Variants in EYA4 observed in about 807,000 individuals in gnomAD.
EYA4 encodes EYA transcriptional coactivator and phosphatase 4.
A neutral mutation model predicts 87.9 loss-of-function variants in EYA4; 31 were observed. The ratio of observed to expected loss-of-function variants is 0.35; its 90% CI spans 0.27 to 0.48. EYA4 has a LOEUF of 0.48. Ranked by LOEUF, EYA4 falls within the 20% of genes least tolerant of loss-of-function variation. The probability of loss-of-function intolerance (pLI) is 0.99; values close to 1 mark genes in which losing one functional copy is unlikely to be tolerated. For synonymous variants in EYA4, 263 were observed against 270.6 expected (o/e 0.97, Z 0.28); for missense variants, 678 against 761.4 (o/e 0.89, Z 1.29).
At position 133,393,198 on chromosome 6, in the gene EYA4, G is replaced by A. The variant is rs968670923; in HGVS notation, c.83+10757G>A. Among the ~76,000 whole-genome samples the A allele has an allele frequency of 5.9e-5, 9 of 152,066 alleles. 1 individual carries two copies. The highest frequency in any genetic ancestry group is 2.2e-4 in the African/African-American group (9 of 41,404). On this transcript the variant is annotated intron_variant, in intron 3 of 19. Coordinates refer to ENST00000355286, the MANE Select transcript of EYA4 (RefSeq NM_004100.5). ...GAGTAGAAACATAGAAGCTTTTGTG[G>A]TCCACTTCATGCTTGGCCAACTCTA... is the stretch of plus-strand genomic sequence containing the variant.
chr6:133,376,169 G>GA (rs1334298899), intron 2 of EYA4, among the ~76,000 whole-genome samples: 1 of 151,272 alleles, frequency 6.6e-6, no homozygotes, highest in African/African-American at 2.4e-5. Context: ...TCCATTTTTG[G>GA]AAAAAAATAT....
At chr6:133,344,523 A>G (rs182117556) in intron 2 of EYA4, among the ~76,000 whole-genome samples, 1 of 152,154 alleles carries the variant, frequency 6.6e-6, no homozygotes, top group Non-Finnish European at 1.5e-5. Flanking sequence ...GATATATTTG[A>G]TATGGTCCAT....
chr6:133,454,035 A>G (rs201658319), intron 5 of EYA4, among the ~76,000 whole-genome samples: 1 of 152,128 alleles, frequency 6.6e-6, no homozygotes, highest in East Asian at 1.9e-4. Flanking sequence ...ATCAATACTA[A>G]GCTTTTGAAA....
In EYA4 at chr6:133,466,361, T is replaced by C. The variant is rs182797647; in HGVS notation, c.804+1503T>C. On this transcript the variant is annotated intron_variant, in intron 10 of 19. Transcript: ENST00000355286. ...TAGTGGATCCCAATGTAAAATGTAA[T>C]CTGTATTTGGGACCATGGCCTGAGC... Among the ~76,000 whole-genome samples, 32 of 152,254 alleles carry C rather than the reference T, an allele frequency of 2.1e-4. No homozygotes were observed. In the East Asian group the frequency reaches 4.4e-3, roughly 21 times the overall value.
At position 133,402,230 on chromosome 6, in the gene EYA4, CAG is replaced by C. The variant is rs1399141513; in HGVS notation, c.83+19790_83+19791del. 9.9e-5 allele frequency among the ~76,000 whole-genome samples: 15 copies of C among 152,060 alleles called. No homozygotes were observed. The South Asian group carries it at 2.9e-3, about 29-fold the overall frequency. ...TGTAGAATTGTAAAATTAACACGTACAGCTACCAAAGATTGCATCATGACACA... is the reference window on the plus strand; with the variant it reads ...TGTAGAATTGTAAAATTAACACGTACCTACCAAAGATTGCATCATGACACA... On this transcript the variant is annotated intron_variant, in intron 3 of 19. Transcript: ENST00000355286.
rs190238604 is a variant in EYA4, at chr6:133,276,697, A to G, written c.33+1884A>G. Among the ~76,000 whole-genome samples, 44 of 152,262 alleles carry G rather than the reference A, an allele frequency of 2.9e-4. No individual in the cohort carries two copies. In the East Asian group the frequency reaches 8.1e-3, roughly 28 times the overall value. ...CCCATTTGCTGAATTTAAATTTCAA[A>G]CATGTAGACCAATGTATTCATCTCA... On this transcript the variant is annotated intron_variant, in intron 2 of 19. Coordinates refer to ENST00000355286, the MANE Select transcript of EYA4 (RefSeq NM_004100.5).
intron 3 of EYA4, among the ~76,000 whole-genome samples, chr6:133,445,011 C>A (rs994674277): frequency 3.5e-4 from 53 of 152,062 alleles, no homozygotes; most frequent in African/African-American, 1.1e-3. Flanking sequence ...CACATATATT[C>A]TTTGTTTGCT....
chr6:133,444,133 A>T (rs1041182785), intron 3 of EYA4, among the ~76,000 whole-genome samples: 2 of 152,216 alleles, frequency 1.3e-5, no homozygotes, highest in Admixed American at 6.5e-5. Context: ...AAACTGTGTC[A>T]TAAAAGCTCC....
chr6:133,490,652 A>G (rs767594323), intron 13 of EYA4, among the ~76,000 whole-genome samples: 7 of 152,204 alleles, frequency 4.6e-5, no homozygotes, highest in Non-Finnish European at 8.8e-5. Context: ...CAGCAACAGG[A>G]TATAACAATT....
At chr6:133,494,083 G>A (rs1240416630) in intron 13 of EYA4, among the ~76,000 whole-genome samples, 1 of 152,104 alleles carries the variant, frequency 6.6e-6, no homozygotes, top group Admixed American at 6.5e-5. Context: ...GTATATACCC[G>A]ACAGAAAGGA....
chr6:133,427,390 A>G (rs1790765091), intron 3 of EYA4, among the ~76,000 whole-genome samples: 1 of 152,222 alleles, frequency 6.6e-6, no homozygotes, highest in Non-Finnish European at 1.5e-5. Context: ...AATTGAAATT[A>G]ACTCAACATA....
At chr6:133,465,496 T>G (rs1368993522) in intron 10 of EYA4, among the ~76,000 whole-genome samples, 1 of 152,178 alleles carries the variant, frequency 6.6e-6, no homozygotes, top group Non-Finnish European at 1.5e-5. Flanking sequence ...TTTGTGAGTT[T>G]TAAAATCTAG....
At chr6:133,278,191 C>T (rs1777334006) in intron 2 of EYA4, among the ~76,000 whole-genome samples, 2 of 152,022 alleles carry the variant, frequency 1.3e-5, no homozygotes, top group South Asian at 4.2e-4. Context: ...TAATATCTTC[C>T]CAGAAGGGTC....
At chr6:133,357,876 T>G (rs1784185627) in intron 2 of EYA4, among the ~76,000 whole-genome samples, 1 of 151,882 alleles carries the variant, frequency 6.6e-6, no homozygotes, top group Non-Finnish European at 1.5e-5. Flanking sequence ...TATATAATAC[T>G]TATGTAATCA....
At chr6:133,451,016 T>G (rs1793387095) in intron 5 of EYA4, among the ~76,000 whole-genome samples, 1 of 152,224 alleles carries the variant, frequency 6.6e-6, no homozygotes. Flanking sequence ...ATTATTAAAG[T>G]GTAAAATATA....
intron 13 of EYA4, among the ~76,000 whole-genome samples, chr6:133,499,326 A>G (rs1797910383): frequency 6.6e-6 from 1 of 152,028 alleles, no homozygotes; most frequent in Admixed American, 6.6e-5. Context: ...CTGCTCTGCC[A>G]CTTTTCTCTG....
At chr6:133,506,265 G>A in intron 14 of EYA4, 70 bp downstream of exon 14, 1 of 844,236 alleles carries the variant, frequency 1.2e-6, no homozygotes, top group Non-Finnish European at 2.0e-6. Context: ...TGTATCTGTA[G>A]ATAACCTCGA....
At chr6:133,461,218 CATTT>C in intron 7 of EYA4, 38 bp downstream of exon 7, 1 of 1,356,348 alleles carries the variant, frequency 7.4e-7, no homozygotes, top group Non-Finnish European at 1.1e-6. Flanking sequence ...AATTGGCAAA[CATTT>C]ATGTCTATAC....
chr6:133,384,004 C>CAGCT (rs1433995518), intron 3 of EYA4, among the ~76,000 whole-genome samples: 1 of 152,132 alleles, frequency 6.6e-6, no homozygotes, highest in Non-Finnish European at 1.5e-5. Context: ...TTTTTGCAAG[C>CAGCT]AGCTGGTCTT....
Sources: gnomAD v4.1 joint callset for allele counts (sites outside exome capture counted in the v4.1 genomes callset) on GRCh38, gnomAD v4.1.1 for gene constraint, MANE v1.5 for transcripts, NCBI Gene and HGNC (gene_info 2026-07-23, HGNC 2026-07-21) for gene names.